Variants in AGBL4 observed in about 807,000 individuals in gnomAD.
AGBL4 encodes the protein AGBL carboxypeptidase 4.
AGBL4 carries 58 observed loss-of-function variants against 66.4 expected under a neutral mutation model. That is an observed-to-expected ratio of 0.87 (90% CI 0.71 to 1.09). The LOEUF is 1.09. AGBL4 is among the 50% of genes least tolerant of loss of function. AGBL4 has a pLI of 0.00. For missense variants in AGBL4, 579 were observed against 631.0 expected (o/e 0.92, Z 0.88); for synonymous variants, 234 against 222.9 (o/e 1.05, Z -0.44).
intron 4 of AGBL4, among the ~76,000 whole-genome samples, chr1:49,051,678 G>A (rs747982480): frequency 6.6e-6 from 1 of 152,050 alleles, no homozygotes; most frequent in Non-Finnish European, 1.5e-5. Context: ...GACCTTGGAT[G>A]GATACCCATT....
At chr1:49,288,490 G>C (rs1489117929) in intron 3 of AGBL4, among the ~76,000 whole-genome samples, 1 of 152,116 alleles carries the variant, frequency 6.6e-6, no homozygotes, top group Non-Finnish European at 1.5e-5. Context: ...GGGATGTCAA[G>C]GCCATTGCGA....
At chr1:49,831,259 TC>T (rs1486948747) in intron 2 of AGBL4, among the ~76,000 whole-genome samples, 1 of 152,218 alleles carries the variant, frequency 6.6e-6, no homozygotes, top group African/African-American at 2.4e-5. Context: ...GTCTTCCCAT[TC>T]GTTTGTGTCC....
At position 49,007,680 on chromosome 1, in the gene AGBL4, C is replaced by T. The variant is rs866445237; in HGVS notation, c.594+37904G>A. 2.0e-3 allele frequency among the ~76,000 whole-genome samples: 310 copies of T among 151,720 alleles called. 2 individuals are homozygous for T. In the Middle Eastern group the frequency reaches 0.027, roughly 13 times the overall value. ...CCCATCAGACTAACAGTGGATCTCT[C>T]GGCAGAAACCCTACAAGCCAGAAGA... On this transcript the variant is annotated intron_variant, in intron 5 of 13. Coordinates refer to ENST00000371839, the MANE Select transcript of AGBL4 (RefSeq NM_032785.4).
chr1:49,091,821 C>A (rs774058283), intron 4 of AGBL4, among the ~76,000 whole-genome samples: 9 of 152,108 alleles, frequency 5.9e-5, no homozygotes, highest in Non-Finnish European at 1.2e-4. Context: ...AAATGTGGTA[C>A]ATACACATCA....
intron 6 of AGBL4, among the ~76,000 whole-genome samples, chr1:48,815,732 A>G (rs901660329): frequency 2.6e-5 from 4 of 152,228 alleles, no homozygotes; most frequent in East Asian, 1.9e-4. Context: ...AGAATATATT[A>G]TAAACATCCA....
At chr1:48,830,069 A>AT (rs1420741712) in intron 6 of AGBL4, among the ~76,000 whole-genome samples, 2 of 152,136 alleles carry the variant, frequency 1.3e-5, no homozygotes, top group African/African-American at 4.8e-5. Context: ...AGAGGTCTTA[A>AT]TGATGCAGGC....
At chr1:48,796,020 T>G (rs976092255) in intron 6 of AGBL4, among the ~76,000 whole-genome samples, 2 of 152,206 alleles carry the variant, frequency 1.3e-5, no homozygotes, top group Non-Finnish European at 2.9e-5. Context: ...ATAGCACAGT[T>G]CCATGACAAG....
intron 3 of AGBL4, among the ~76,000 whole-genome samples, chr1:49,373,275 A>G (rs1010951920): frequency 1.3e-5 from 2 of 152,192 alleles, no homozygotes; most frequent in African/African-American, 4.8e-5. Flanking sequence ...CCTATCACTT[A>G]ACTCATGGCC....
chr1:48,843,337 A>T (rs2148798900), intron 6 of AGBL4, among the ~76,000 whole-genome samples: 1 of 152,300 alleles, frequency 6.6e-6, no homozygotes, highest in Middle Eastern at 3.4e-3. Flanking sequence ...CCTAGAGCTT[A>T]TATAAATTTC....
At chr1:48,745,607 A>G (rs1650611852) in intron 6 of AGBL4, among the ~76,000 whole-genome samples, 1 of 152,146 alleles carries the variant, frequency 6.6e-6, no homozygotes, top group Non-Finnish European at 1.5e-5. Flanking sequence ...CCTTTTGTCC[A>G]GAACATTCTA....
intron 5 of AGBL4, among the ~76,000 whole-genome samples, chr1:49,028,545 C>T (rs1230056696): frequency 6.6e-6 from 1 of 152,086 alleles, no homozygotes; most frequent in African/African-American, 2.4e-5. Flanking sequence ...GAAAGCTTAG[C>T]ACAAAGAGAA....
intron 6 of AGBL4, among the ~76,000 whole-genome samples, chr1:48,717,168 C>A (rs926976710): frequency 6.6e-6 from 1 of 152,124 alleles, no homozygotes; most frequent in Non-Finnish European, 1.5e-5. Context: ...GCCTTTTTTT[C>A]TTCTGGCCTC....
chr1:48,672,680 CT>C (rs1646295993), intron 6 of AGBL4, among the ~76,000 whole-genome samples: 2 of 152,178 alleles, frequency 1.3e-5, no homozygotes, highest in Non-Finnish European at 2.9e-5. Flanking sequence ...TTAAAACGAG[CT>C]GTTGGAGTCA....
At chr1:49,235,338 AT>A (rs1377804780) in intron 4 of AGBL4, among the ~76,000 whole-genome samples, 1 of 152,238 alleles carries the variant, frequency 6.6e-6, no homozygotes, top group African/African-American at 2.4e-5. Flanking sequence ...GGTAGCTATT[AT>A]TCCTGTTGCC....
intron 3 of AGBL4, among the ~76,000 whole-genome samples, chr1:49,570,427 T>C (rs766198570): frequency 3.9e-5 from 6 of 152,152 alleles, no homozygotes; most frequent in Non-Finnish European, 5.9e-5. Flanking sequence ...GCCCACTTTT[T>C]AATTGGATCA....
At chr1:48,946,293 C>A (rs1656498724) in intron 5 of AGBL4, among the ~76,000 whole-genome samples, 1 of 152,128 alleles carries the variant, frequency 6.6e-6, no homozygotes, top group South Asian at 2.1e-4. Context: ...GCCCTATGAC[C>A]CATGAACCAT....
chr1:48,577,690 G>T (rs1190370378), intron 11 of AGBL4, among the ~76,000 whole-genome samples: 1 of 138,390 alleles, frequency 7.2e-6, no homozygotes, highest in Non-Finnish European at 1.7e-5. Flanking sequence ...GCTCAGCCGG[G>T]CACTGCAGAG....
At chr1:49,642,802 A>G (rs12030579) in intron 3 of AGBL4, among the ~76,000 whole-genome samples, 64,240 of 151,864 alleles carry the variant, frequency 0.42, 16,116 homozygotes, top group Non-Finnish European at 0.57. Flanking sequence ...AGTTTATAAG[A>G]AAGATCTGAA....
chr1:49,987,928 T>G (rs1659635020), intron 1 of AGBL4, among the ~76,000 whole-genome samples: 1 of 151,534 alleles, frequency 6.6e-6, no homozygotes, highest in South Asian at 2.1e-4. Context: ...CCACACAAAG[T>G]ACTGAAAAAA....
Sources: gnomAD v4.1 joint callset for allele counts (sites outside exome capture counted in the v4.1 genomes callset) on GRCh38, gnomAD v4.1.1 for gene constraint, MANE v1.5 for transcripts, NCBI Gene and HGNC (gene_info 2026-07-23, HGNC 2026-07-21) for gene names.